Variants in STXBP5 observed in about 807,000 individuals in gnomAD.
STXBP5 encodes syntaxin binding protein 5.
Under a neutral mutation model 152.4 loss-of-function variants are expected in STXBP5, and 50 were observed. The observed-to-expected ratio is 0.33, with a 90% CI of 0.26 to 0.42. The LOEUF (loss-of-function observed/expected upper bound fraction) is 0.42. Among genes scored for constraint, STXBP5 ranks in the 10% least tolerant of loss-of-function variants. The pLI is 1.00. For missense variants in STXBP5, 1,167 were observed against 1,388.6 expected (o/e 0.84, Z 2.54); for synonymous variants, 492 against 494.7 (o/e 0.99, Z 0.07).
At chr6:147,255,835 T>A (rs1779332487) in intron 4 of STXBP5, among the ~76,000 whole-genome samples, 1 of 152,200 alleles carries the variant, frequency 6.6e-6, no homozygotes, top group Admixed American at 6.5e-5. Flanking sequence ...TTCTGTACAA[T>A]TATAAGAAAG....
intron 2 of STXBP5, among the ~76,000 whole-genome samples, chr6:147,223,158 A>G (rs1045655870): frequency 2.0e-5 from 3 of 152,240 alleles, no homozygotes; most frequent in Non-Finnish European, 4.4e-5. Context: ...AGAAGTTGAT[A>G]TTAACTTTTA....
At chr6:147,244,935 T>C (rs1778734345) in intron 4 of STXBP5, among the ~76,000 whole-genome samples, 1 of 151,948 alleles carries the variant, frequency 6.6e-6, no homozygotes, top group Admixed American at 6.6e-5. Flanking sequence ...GGCATTGATA[T>C]GCCTAGCTAT....
intron 26 of STXBP5, among the ~76,000 whole-genome samples, chr6:147,379,807 G>A (rs935424214): frequency 1.3e-5 from 2 of 151,958 alleles, no homozygotes; most frequent in African/African-American, 4.8e-5. Context: ...CAGGATACAA[G>A]ATCAATATAG....
Position 147,359,208 on chromosome 6 carries a change from C to T in STXBP5, c.2430C>T (p.Ser810=). ...CGTTTACTCGAAAGACGGACTCGTCCCCTTCCCCTTGTCTATGGGTTGGAA... is the reference window on the plus strand; with the variant it reads ...CGTTTACTCGAAAGACGGACTCGTCTCCTTCCCCTTGTCTATGGGTTGGAA... The part of the protein sequence containing the change: ...CETFTRKTDS[S]PSPCLWVGTT... Residue 810 remains serine (S), a synonymous_variant, in exon 23 of 28, where the codon TCC becomes TCT. Coordinates refer to ENST00000321680, the MANE Select transcript of STXBP5 (RefSeq NM_001127715.4). 6.2e-7 allele frequency: 1 copy of T among 1,614,070 alleles called. No homozygotes were observed. The highest frequency in any genetic ancestry group is 1.1e-5 in the South Asian group (1 of 91,082).
At chr6:147,337,145 AT>A (rs545923213) in intron 19 of STXBP5, among the ~76,000 whole-genome samples, 31 of 151,560 alleles carry the variant, frequency 2.0e-4, no homozygotes, top group African/African-American at 6.8e-4. Flanking sequence ...TATTATTGGA[AT>A]TTTTTTAGTA....
intron 16 of STXBP5, among the ~76,000 whole-genome samples, chr6:147,324,688 C>CT (rs971166752): frequency 6.6e-6 from 1 of 151,880 alleles, no homozygotes; most frequent in African/African-American, 2.4e-5. Context: ...GCCTTCTTTC[C>CT]TTTCTCCCTC....
Position 147,276,905 on chromosome 6 carries a change from A to T in STXBP5, c.715-1176A>T, listed in dbSNP as rs373809037. ...GGAATTAGAATCGATTATGGTTTCT[A>T]CTGAATGTATAGTGCTTTTGTACTA... On this transcript the variant is annotated intron_variant, in intron 7 of 27. Coordinates refer to ENST00000321680, the MANE Select transcript of STXBP5 (RefSeq NM_001127715.4). Among the ~76,000 whole-genome samples the T allele has an allele frequency of 1.6e-4, 25 of 152,236 alleles. No individual in the cohort carries two copies. In the South Asian group the frequency reaches 5.0e-3, roughly 30 times the overall value.
At chr6:147,311,572 A>C in intron 11 of STXBP5, 45 bp downstream of exon 11, 1 of 1,433,108 alleles carries the variant, frequency 7.0e-7, no homozygotes. Flanking sequence ...TATGTGGTTG[A>C]AAAAAGATGC....
intron 2 of STXBP5, among the ~76,000 whole-genome samples, chr6:147,231,929 A>C (rs2115155955): frequency 6.6e-6 from 1 of 152,024 alleles, no homozygotes; most frequent in Non-Finnish European, 1.5e-5. Context: ...TGATAAATTC[A>C]ATGTTGACAT....
intron 4 of STXBP5, among the ~76,000 whole-genome samples, chr6:147,257,036 G>C (rs1168620312): frequency 6.6e-6 from 1 of 151,998 alleles, no homozygotes; most frequent in Non-Finnish European, 1.5e-5. Flanking sequence ...TAGGATGTAT[G>C]TGTTACTCCC....
rs1786533779 is a variant in STXBP5 at position 147,390,364 on chromosome 6, ATTAAT to A, written c.*5611_*5615del. 6.6e-6 allele frequency: 1 copy of A among 151,998 alleles called. No homozygotes were observed. The highest frequency in any genetic ancestry group is 1.5e-5 in the Non-Finnish European group (1 of 67,958). The allele number at this position is 151,998 out of a possible 1,614,324, so 9.4% of individuals were successfully genotyped here. A position where few individuals can be genotyped will look rare whatever the true frequency, so the allele number is the denominator to read the frequency against. ...TGGTATTTTAAAAAATGTATTATAA[ATTAAT>A]TAATGTTTCTGGAAAATGTTCATAT... On this transcript the variant is annotated 3_prime_UTR_variant, in exon 28 of 28. Coordinates refer to ENST00000321680, the MANE Select transcript of STXBP5 (RefSeq NM_001127715.4).
chr6:147,341,787 T>A (rs1784106727), intron 21 of STXBP5, among the ~76,000 whole-genome samples: 1 of 152,072 alleles, frequency 6.6e-6, no homozygotes, highest in South Asian at 2.1e-4. Flanking sequence ...TGCCTGACAG[T>A]ACAGCTGAGG....
chr6:147,317,117 G>A (rs770111168), intron 16 of STXBP5, among the ~76,000 whole-genome samples: 1 of 152,208 alleles, frequency 6.6e-6, no homozygotes, highest in Non-Finnish European at 1.5e-5. Flanking sequence ...AGATTCAGTA[G>A]ATTGGTAGAG....
Position 147,384,850 on chromosome 6 carries a change from C to A in STXBP5, c.*95C>A. On this transcript the variant is annotated 3_prime_UTR_variant, in exon 28 of 28. Transcript: ENST00000321680. ...GGAAAGTTAACGTTAAAGGGATGTT[C>A]GTCACTGAATACTGTTCTTTCCTAG... 3 of 1,234,624 alleles carry A rather than the reference C, an allele frequency of 2.4e-6. No homozygotes were observed. Among genetic ancestry groups the A allele is most frequent in the South Asian group, 1.3e-5 (1 of 78,330 alleles). 76.5% of individuals were successfully genotyped at this position (1,234,624 alleles called of 1,614,324 possible).
intron 26 of STXBP5, among the ~76,000 whole-genome samples, chr6:147,375,296 C>T (rs1380043749): frequency 2.0e-5 from 3 of 151,982 alleles, no homozygotes; most frequent in Non-Finnish European, 4.4e-5. Flanking sequence ...AGTATCATGC[C>T]TGAACATTGT....
chr6:147,273,823 G>T (rs1401494032), intron 7 of STXBP5, among the ~76,000 whole-genome samples: 1 of 151,978 alleles, frequency 6.6e-6, no homozygotes, highest in Non-Finnish European at 1.5e-5. Flanking sequence ...GTGGTGGTGG[G>T]CACCTGTAGT....
At chr6:147,332,567 A>G (rs1783629312) in intron 18 of STXBP5, among the ~76,000 whole-genome samples, 1 of 152,198 alleles carries the variant, frequency 6.6e-6, no homozygotes, top group Non-Finnish European at 1.5e-5. Context: ...TTCAAGGAAC[A>G]ATGAGGAGTC....
At chr6:147,217,072 C>G (rs1261531835) in intron 2 of STXBP5, among the ~76,000 whole-genome samples, 1 of 152,144 alleles carries the variant, frequency 6.6e-6, no homozygotes, top group African/African-American at 2.4e-5. Context: ...AGTACGTAAT[C>G]TTTTCTTGTG....
At chr6:147,259,712 CTT>C (rs1261766510) in intron 4 of STXBP5, among the ~76,000 whole-genome samples, 1 of 151,240 alleles carries the variant, frequency 6.6e-6, no homozygotes, top group Admixed American at 6.6e-5. Flanking sequence ...ATTATAAAGT[CTT>C]TTCTGAGAGA....
Sources: allele counts gnomAD v4.1 joint callset (sites outside exome capture counted in the v4.1 genomes callset), GRCh38; gene constraint gnomAD v4.1.1; transcripts MANE v1.5; gene names NCBI Gene and HGNC (gene_info 2026-07-23, HGNC 2026-07-21).